TPH1: variants seen among roughly 807,000 people sequenced by gnomAD.
The protein encoded by TPH1 is tryptophan hydroxylase 1.
TPH1 carries 37 observed loss-of-function variants against 49.5 expected under a neutral mutation model. The ratio of observed to expected loss-of-function variants is 0.75; its 90% CI spans 0.58 to 0.98. The LOEUF is 0.98. Ranked by LOEUF, TPH1 falls within the 50% of genes least tolerant of loss-of-function variation. TPH1 has a pLI of 0.00. For synonymous variants in TPH1, 160 were observed against 182.1 expected (o/e 0.88, Z 0.98); for missense variants, 487 against 523.6 (o/e 0.93, Z 0.68).
At chr11:18,021,533 T>C (rs780749193) in intron 10 of TPH1, among the ~76,000 whole-genome samples, 2 of 152,178 alleles carry the variant, frequency 1.3e-5, no homozygotes, top group Non-Finnish European at 2.9e-5. Flanking sequence ...TAAAACTGTT[T>C]CATTACAACA....
chr11:18,033,398 A>G, intron 3 of TPH1, 24 bp from the exon 4 acceptor site: 1 of 1,523,932 alleles, frequency 6.6e-7, no homozygotes, highest in Non-Finnish European at 9.1e-7. Flanking sequence ...AATAAAATAA[A>G]ATAAAAACCA....
chr11:18,021,290 C>T, intron 10 of TPH1, 125 bp from the exon 11 acceptor site: 1 of 896,536 alleles, frequency 1.1e-6, no homozygotes, highest in Non-Finnish European at 1.8e-6. Context: ...TGTGTACAAC[C>T]AATCTGACCT....
intron 1 of TPH1, among the ~76,000 whole-genome samples, chr11:18,044,134 T>C (rs1009491297): frequency 3.9e-5 from 6 of 152,138 alleles, no homozygotes; most frequent in Non-Finnish European, 7.4e-5. Flanking sequence ...AGACATACAT[T>C]ATTATATTAA....
chr11:18,035,213 T>C (rs986286835), intron 3 of TPH1, among the ~76,000 whole-genome samples: 2 of 152,214 alleles, frequency 1.3e-5, no homozygotes, highest in African/African-American at 4.8e-5. Context: ...AAATATTCAT[T>C]TACTATCTGC....
intron 8 of TPH1, among the ~76,000 whole-genome samples, chr11:18,025,118 T>C (rs1250629630): frequency 2.0e-5 from 3 of 152,210 alleles, no homozygotes; most frequent in African/African-American, 7.2e-5. Flanking sequence ...TCCAGCACAG[T>C]GTCTTGTACC....
intron 8 of TPH1, 123 bp from the exon 9 acceptor site, chr11:18,024,106 A>G: frequency 4.0e-6 from 3 of 744,314 alleles, no homozygotes; most frequent in Non-Finnish European, 7.1e-6. Context: ...CTAGTTCACA[A>G]GTCTTTCTAC....
intron 1 of TPH1, among the ~76,000 whole-genome samples, 33 bp downstream of exon 1, chr11:18,046,208 C>G (rs1199647440): frequency 2.6e-5 from 4 of 152,148 alleles, no homozygotes; most frequent in Non-Finnish European, 5.9e-5. Context: ...GACGGCGGTC[C>G]CCGGTGCCCG....
At chr11:18,040,557 G>A (rs1386470307) in intron 2 of TPH1, 89 bp downstream of exon 2, 1 of 1,296,996 alleles carries the variant, frequency 7.7e-7, no homozygotes, top group Admixed American at 2.1e-5. Flanking sequence ...TTAAGAGATA[G>A]GGTCTTGCTA....
At position 18,026,513 on chromosome 11, in the gene TPH1, T is replaced by C. The variant is rs1376872322; in HGVS notation, c.780A>G (p.Ser260=). The C allele has an allele frequency of 2.5e-6, 4 of 1,613,734 alleles. No homozygotes were observed. The South Asian group carries it at 3.3e-5, about 13-fold the overall frequency. The change falls in exon 7 of 11, where the codon TCA becomes TCG. Residue 260 remains serine, a synonymous_variant. Transcript: ENST00000682019. ...ACGGCTCTGGGGTATAGAAGGGATC[T>C]GAACTGTGTCTCACATATTGAGTGC... ...FHCTQYVRHS[S]DPFYTPEPDT... is the part of the protein sequence containing the mutation.
Position 18,019,476 on chromosome 11 carries a change from C to T in TPH1, c.*1515G>A. ...TGGCAGGGCTGTCATATTGAACAAC[C>T]CCTATTCATTCTATGTGGATGATGC... On this transcript the variant is annotated 3_prime_UTR_variant, in exon 11 of 11. Coordinates refer to ENST00000682019, the MANE Select transcript of TPH1 (RefSeq NM_004179.3). 2.8e-6 allele frequency: 1 copy of T among 361,770 alleles called. No individual in the cohort carries two copies. Among genetic ancestry groups the T allele is most frequent in the Non-Finnish European group, 5.4e-6 (1 of 185,642 alleles). 22.4% of individuals were successfully genotyped at this position (361,770 alleles called of 1,614,324 possible).
intron 3 of TPH1, among the ~76,000 whole-genome samples, chr11:18,034,468 T>C (rs1015912175): frequency 1.3e-5 from 2 of 152,182 alleles, no homozygotes; most frequent in African/African-American, 4.8e-5. Context: ...TGCAAGGTGT[T>C]AACCCTTTAG....
At chr11:18,032,813 TG>T (rs1432318110) in intron 4 of TPH1, among the ~76,000 whole-genome samples, 1 of 152,080 alleles carries the variant, frequency 6.6e-6, no homozygotes, top group African/African-American at 2.4e-5. Flanking sequence ...CCCAAAGTGC[TG>T]GGCTTACAGG....
chr11:18,021,074 T>G lies in TPH1; in HGVS notation c.1252A>C (p.Thr418Pro), dbSNP rs761813272. The change falls in exon 11 of 11, where the codon ACC becomes CCC. Residue 418 changes from threonine (T) to proline (P), a missense_variant. Thr to Pro is a conservative substitution (Grantham distance 38). Coordinates refer to ENST00000682019, the MANE Select transcript of TPH1 (RefSeq NM_004179.3). Reference sequence around the variant, plus strand: ...TGCTGCAGCTCATTCATGGCACTGGTTATGCTCTTGGTGTCTTTCAGGATC... The same window carrying G: ...TGCTGCAGCTCATTCATGGCACTGGGTATGCTCTTGGTGTCTTTCAGGATC... ...IQILKDTKSI[T>P]SAMNELQHDL... The G allele has an allele frequency of 1.9e-6, 3 of 1,614,032 alleles. No individual in the cohort carries two copies. The African/African-American group carries it at 4.0e-5, about 22-fold the overall frequency.
chr11:18,028,393 C>T (rs570097394), intron 6 of TPH1, among the ~76,000 whole-genome samples: 1 of 152,144 alleles, frequency 6.6e-6, no homozygotes, highest in Non-Finnish European at 1.5e-5. Flanking sequence ...AGGAACTAAC[C>T]ATCTCATCAG....
intron 4 of TPH1, among the ~76,000 whole-genome samples, chr11:18,030,102 GA>G (rs536712868): frequency 3.7e-4 from 56 of 152,096 alleles, no homozygotes; most frequent in Admixed American, 1.2e-3. Context: ...TTATACTCAT[GA>G]AAAAAAATTT....
At position 18,017,591 on chromosome 11, in the gene TPH1, C is replaced by A. The variant is rs185421435; in HGVS notation, c.*3400G>T. On this transcript the variant is annotated 3_prime_UTR_variant, in exon 11 of 11. Transcript: ENST00000682019. ...AATTTTGTGTTCATTTATTATCCCA[C>A]TGAATAACAAACTTGTAAATCATAA... The A allele has an allele frequency of 6.0e-4, 91 of 152,280 alleles. No homozygotes were observed. Among genetic ancestry groups the A allele is most frequent in the African/African-American group, 2.1e-3 (86 of 41,564 alleles). 9.4% of individuals were successfully genotyped at this position (152,280 alleles called of 1,614,324 possible).
At position 18,035,475 on chromosome 11, in the gene TPH1, G is replaced by T. The variant is rs1280525295; in HGVS notation, c.301+484C>A. On this transcript the variant is annotated intron_variant, in intron 3 of 10. Coordinates refer to ENST00000682019, the MANE Select transcript of TPH1 (RefSeq NM_004179.3). Reference sequence around the variant, plus strand: ...GGGTCTTGTTCTGTCACCCAAACGGGAGTGCAGTGGTACAATCTCGGCTCA... The same window carrying T: ...GGGTCTTGTTCTGTCACCCAAACGGTAGTGCAGTGGTACAATCTCGGCTCA... Among the ~76,000 whole-genome samples the T allele has an allele frequency of 4.8e-5, 7 of 147,358 alleles. No individual in the cohort carries two copies. The Admixed American group carries it at 4.8e-4, about 10-fold the overall frequency.
At chr11:18,042,889 A>C (rs1250237765) in intron 1 of TPH1, among the ~76,000 whole-genome samples, 1 of 152,358 alleles carries the variant, frequency 6.6e-6, no homozygotes. Context: ...TATGATATAA[A>C]ATGTCAGTAT....
At chr11:18,033,407 CA>C (rs775048392) in intron 3 of TPH1, 33 bp from the exon 4 acceptor site, 4 of 1,467,350 alleles carry the variant, frequency 2.7e-6, no homozygotes, top group Admixed American at 1.7e-5. Flanking sequence ...AAATAAAAAC[CA>C]GTAAAAGTTG....
Sources: allele counts gnomAD v4.1 joint callset (sites outside exome capture counted in the v4.1 genomes callset), GRCh38; gene constraint gnomAD v4.1.1; transcripts MANE v1.5; gene names NCBI Gene and HGNC (gene_info 2026-07-23, HGNC 2026-07-21).